The following NLRP12 variants were observed in gnomAD, a reference collection of about 807,000 sequenced individuals.
The protein encoded by NLRP12 is NLR family pyrin domain containing 12.
In NLRP12, 108 loss-of-function variants were observed where a neutral mutation model predicts 91.2. That is an observed-to-expected ratio of 1.18 (90% confidence interval 1.01 to 1.39). NLRP12 has a LOEUF of 1.39. Ranked by LOEUF, NLRP12 falls within the 40% of genes most tolerant of loss-of-function variation. The pLI is 0.00. For synonymous variants in NLRP12, 613 were observed against 566.7 expected, an observed-to-expected ratio of 1.08 and a Z score of -1.16; for missense variants, 1,530 against 1,352.7, an observed-to-expected ratio of 1.13 and a Z score of -2.06.
chr19:53,819,668 C>CGTATATATACACACACGTGT, intron 1 of NLRP12, among the ~76,000 whole-genome samples: 1 of 8,648 alleles, frequency 1.2e-4, no homozygotes, highest in East Asian at 2.7e-3. Flanking sequence ...CACATGTATA[C>CGTATATATACACACACGTGT]ATATATGTAT....
In NLRP12 at chr19:53,809,877, C is replaced by T. The variant is rs953567955; in HGVS notation, c.1782G>A (p.Trp594Ter). The change falls in exon 3 of 10, where the codon TGG becomes TGA. Residue 594 changes from tryptophan to a stop codon, truncating the protein, a stop_gained. Coordinates refer to ENST00000324134, the MANE Select transcript of NLRP12 (RefSeq NM_144687.4). LOFTEE classifies it high-confidence loss of function. ...CGTCGCTCTGAGCTTTGCTTTGGAT[C>T]CACTGCAACAGGTCCATCTTGATGT... Reference protein sequence around the residue: ...SPHIKMDLLQWIQSKAQSDGS... With the variant: ...SPHIKMDLLQ 10 of 1,614,124 alleles carry T rather than the reference C, an allele frequency of 6.2e-6. No individual in the cohort carries two copies. In the African/African-American group the frequency reaches 1.1e-4, roughly 17 times the overall value.
At chr19:53,812,412 CAAAA>C (rs59986011) in intron 2 of NLRP12, among the ~76,000 whole-genome samples, 12 of 118,514 alleles carry the variant, frequency 1.0e-4, no homozygotes, top group Non-Finnish European at 1.6e-4. Flanking sequence ...GACTCTGCCT[CAAAA>C]AAAAAAAAAA....
At chr19:53,797,369 C>T (rs935034075) in intron 8 of NLRP12, among the ~76,000 whole-genome samples, 9 of 152,050 alleles carry the variant, frequency 5.9e-5, no homozygotes, top group Non-Finnish European at 8.8e-5. Context: ...ATGATCTGTC[C>T]GCCTTGGACT....
chr19:53,815,932 T>C (rs2122722778), intron 1 of NLRP12, among the ~76,000 whole-genome samples: 1 of 148,472 alleles, frequency 6.7e-6, no homozygotes, highest in African/African-American at 2.5e-5. Flanking sequence ...AAAAATATTT[T>C]AATTTTTTTT....
chr19:53,824,185 TG>T lies in NLRP12; in HGVS notation c.-12del. On this transcript the variant is annotated 5_prime_UTR_variant, in exon 1 of 10. Transcript: ENST00000324134. ...TGCGGTTCGTAGCATGGGGGTGCCG[TG>T]AGCCCCAAAGGAGAGGACCTGGAGG... 6.2e-7 allele frequency: 1 copy of T among 1,613,548 alleles called. No individual in the cohort carries two copies. Among genetic ancestry groups the T allele is most frequent in the Non-Finnish European group, 8.5e-7 (1 of 1,179,906 alleles).
chr19:53,801,264 C>T lies in NLRP12; in HGVS notation c.2719G>A (p.Gly907Ser). The change falls in exon 7 of 10, where the codon GGC becomes AGC. Residue 907 changes from glycine (G) to serine (S), a missense_variant. Physicochemically the swap from Gly to Ser is moderately conservative, Grantham distance 56 (BLOSUM62 0). Coordinates refer to ENST00000324134, the MANE Select transcript of NLRP12 (RefSeq NM_144687.4). The part of the protein sequence containing the change: ...GDLGVLLLCE[G>S]LRHPTCKLQT... ...AGCTTGCACGTGGGATGCCTGAGGC[C>T]CTCACACAGCAGCAGCACCCCGAGG... 1 of 1,613,848 alleles carries T rather than the reference C, an allele frequency of 6.2e-7. No individual in the cohort carries two copies. Among genetic ancestry groups the T allele is most frequent in the Non-Finnish European group, 8.5e-7 (1 of 1,179,972 alleles).
chr19:53,796,545 C>A (rs955418342), intron 8 of NLRP12, among the ~76,000 whole-genome samples: 1 of 152,010 alleles, frequency 6.6e-6, no homozygotes, highest in African/African-American at 2.4e-5. Context: ...CTGTGCCCGG[C>A]CGTAATTTTT....
rs1443308113 is a variant in NLRP12, at chr19:53,809,927, T to C, written c.1732A>G (p.Ser578Gly). 1.2e-6 allele frequency: 2 copies of C among 1,614,062 alleles called. No individual in the cohort carries two copies. Among genetic ancestry groups the C allele is most frequent in the East Asian group, 4.5e-5 (2 of 44,864 alleles). ...TGCGGCGAGACCTTCCAGCAGAGAC[T>C]CTTCTCCAGGTGGCTCCTGGTCTCC... ...NEETRSHLEKSLCWKVSPHIK... is the reference protein window; with the variant it reads ...NEETRSHLEKGLCWKVSPHIK... Residue 578 changes from serine (S) to glycine (G), a missense_variant, in exon 3 of 10, where the codon AGT (serine) becomes GGT (glycine). Physicochemically the swap from Ser to Gly is moderately conservative, Grantham distance 56 (BLOSUM62 0). Transcript: ENST00000324134.
rs1185856650 is a variant in NLRP12, at chr19:53,810,214, C to T, written c.1445G>A (p.Arg482Gln). 3.7e-6 allele frequency: 6 copies of T among 1,614,042 alleles called. No individual in the cohort carries two copies. Among genetic ancestry groups the T allele is most frequent in the Admixed American group, 1.7e-5 (1 of 59,982 alleles). The change falls in exon 3 of 10, where the codon CGG becomes CAG. Residue 482 changes from arginine (R) to glutamine (Q), a missense_variant. Transcript: ENST00000324134. ...QKILFEEQDL[R>Q]KHGLDGEDVS... Reference sequence around the variant, plus strand: ...GTCTTCCCCGTCTAGGCCGTGCTTCCGGAGGTCCTGCTCCTCAAATAGGAT... The same window carrying T: ...GTCTTCCCCGTCTAGGCCGTGCTTCTGGAGGTCCTGCTCCTCAAATAGGAT...
chr19:53,796,890 AGGCTG>A (rs2091773285), intron 8 of NLRP12, among the ~76,000 whole-genome samples: 3 of 32,662 alleles, frequency 9.2e-5, no homozygotes, highest in Non-Finnish European at 2.0e-4. Flanking sequence ...GCTACTCGGG[AGGCTG>A]AGGCAGGAAT....
At chr19:53,796,059 A>C in intron 8 of NLRP12, 30 bp from the exon 9 acceptor site, 1 of 1,605,720 alleles carries the variant, frequency 6.2e-7, no homozygotes, top group East Asian at 2.2e-5. Flanking sequence ...GGTTAAGGTA[A>C]CACCAGGGGC....
chr19:53,796,102 TG>T, intron 8 of NLRP12, 73 bp from the exon 9 acceptor site: 1 of 1,427,766 alleles, frequency 7.0e-7, no homozygotes, highest in East Asian at 2.3e-5. Flanking sequence ...TGTCTCACCC[TG>T]TCTCCCAGGC....
Position 53,811,088 on chromosome 19 carries a change from C to A in NLRP12, c.571G>T (p.Ala191Ser), listed in dbSNP as rs2092066216. Residue 191 changes from alanine to serine, a missense_variant, in exon 3 of 10, where the codon GCT becomes TCT. Coordinates refer to ENST00000324134, the MANE Select transcript of NLRP12 (RefSeq NM_144687.4). ...RGHARTVGHQ[A>S]SPIKIETLFE... ...AGGGTCTCTATCTTGATGGGGCTAG[C>A]CTGGTGTCCCACGGTCCTCGCGTGT... is the stretch of plus-strand genomic sequence containing the variant. The A allele has an allele frequency of 6.2e-7, 1 of 1,613,714 alleles. No individual in the cohort carries two copies. Among genetic ancestry groups the A allele is most frequent in the African/African-American group, 1.3e-5 (1 of 74,908 alleles).
At chr19:53,816,641 T>A (rs554508643) in intron 1 of NLRP12, among the ~76,000 whole-genome samples, 1 of 151,944 alleles carries the variant, frequency 6.6e-6, no homozygotes, top group Non-Finnish European at 1.5e-5. Flanking sequence ...CCTGCCTCAG[T>A]CTCCCGAGTA....
At chr19:53,795,267 A>G (rs1274185408) in intron 9 of NLRP12, among the ~76,000 whole-genome samples, 1 of 151,586 alleles carries the variant, frequency 6.6e-6, no homozygotes, top group African/African-American at 2.4e-5. Flanking sequence ...CTGTCCAAAA[A>G]AAAAGCAATT....
chr19:53,809,628 G>T lies in NLRP12; in HGVS notation c.2031C>A (p.Arg677=). 1 of 1,612,338 alleles carries T rather than the reference G, an allele frequency of 6.2e-7. No individual in the cohort carries two copies. The highest frequency in any genetic ancestry group is 8.5e-7 in the Non-Finnish European group (1 of 1,179,518). ...GATYSADGED[R]ARCSAGAHTL... ...TGTGCGCTCCTGCGGAGCACCTCGC[G>T]CGGTCTTCCCCGTCCGCGCTGTAGG... The change falls in exon 3 of 10, where the codon CGC becomes CGA. Residue 677 remains arginine, a synonymous_variant. Transcript: ENST00000324134.
chr19:53,798,517 G>T, intron 7 of NLRP12, 104 bp from the exon 8 acceptor site: 1 of 1,108,912 alleles, frequency 9.0e-7, no homozygotes, highest in Non-Finnish European at 1.3e-6. Context: ...CAGAGGGACA[G>T]ACTCAATCTC....
intron 1 of NLRP12, among the ~76,000 whole-genome samples, chr19:53,818,174 C>T (rs775787444): frequency 2.0e-5 from 3 of 151,574 alleles, no homozygotes; most frequent in Admixed American, 1.3e-4. Context: ...GCCTTCACCT[C>T]CTGGGCTTAA....
chr19:53,808,885 G>C (rs1029151714), intron 3 of NLRP12, among the ~76,000 whole-genome samples: 1 of 151,942 alleles, frequency 6.6e-6, no homozygotes, highest in African/African-American at 2.4e-5. Flanking sequence ...AGTATTATTT[G>C]CTTCCCAGTT....
Sources: gnomAD v4.1 joint callset for allele counts (sites outside exome capture counted in the v4.1 genomes callset) on GRCh38, gnomAD v4.1.1 for gene constraint, MANE v1.5 for transcripts, NCBI Gene and HGNC (gene_info 2026-07-23, HGNC 2026-07-21) for gene names.